Variants in IQCF1 observed in about 807,000 individuals in gnomAD.
IQCF1 encodes the protein IQ motif containing F1.
IQCF1 carries 9 observed loss-of-function variants against 12.5 expected under a neutral mutation model. That is an observed-to-expected ratio of 0.72 (90% CI 0.43 to 1.26). The LOEUF is 1.26. IQCF1 is among the 50% of genes most tolerant of loss of function. IQCF1 has a pLI of 0.00. For synonymous variants in IQCF1, 67 were observed against 96.2 expected (o/e 0.70, Z 1.78); for missense variants, 252 against 257.4 (o/e 0.98, Z 0.14).
At chr3:51,898,556 T>C (rs543497113) in intron 2 of IQCF1, among the ~76,000 whole-genome samples, 2 of 150,852 alleles carry the variant, frequency 1.3e-5, no homozygotes, top group African/African-American at 2.4e-5. Flanking sequence ...AGTAGAAAAA[T>C]AAGTTTTAGA....
Sources: gnomAD v4.1 joint callset for allele counts (sites outside exome capture counted in the v4.1 genomes callset) on GRCh38, gnomAD v4.1.1 for gene constraint, MANE v1.5 for transcripts, NCBI Gene and HGNC (gene_info 2026-07-23, HGNC 2026-07-21) for gene names.